The following EXT1 variants were observed in gnomAD, a reference collection of about 807,000 sequenced individuals.
EXT1 encodes the protein exostosin glycosyltransferase 1.
In EXT1, 20 loss-of-function variants were observed where a neutral mutation model predicts 82.5. The observed-to-expected ratio is 0.24, with a 90% CI of 0.17 to 0.35. EXT1 has a LOEUF of 0.35. Ranked by LOEUF, EXT1 falls within the 10% of genes least tolerant of loss-of-function variation. The pLI is 1.00. For missense variants in EXT1, 757 were observed against 936.5 expected (o/e 0.81, Z 2.50); for synonymous variants, 348 against 350.8 (o/e 0.99, Z 0.09).
At position 117,822,727 on chromosome 8, in the gene EXT1, C is replaced by A. The variant is rs111446928; in HGVS notation, c.1285-130G>T. ...CTCTACCCTCCCTCCCACTTTAATT[C>A]TCCGGATAAAAATGTCTGCAAGACA... On this transcript the variant is annotated intron_variant, in intron 4 of 10. Transcript: ENST00000378204. 319 of 958,404 alleles carry A rather than the reference C, an allele frequency of 3.3e-4. 1 individual carries two copies. Among genetic ancestry groups the A allele is most frequent in the South Asian group, 2.6e-3 (190 of 72,360 alleles). The allele number at this position is 958,404 out of a possible 1,614,324, so 59.4% of individuals were successfully genotyped here.
intron 1 of EXT1, among the ~76,000 whole-genome samples, chr8:118,036,803 G>A (rs1816426675): frequency 6.6e-6 from 1 of 152,028 alleles, no homozygotes; most frequent in Non-Finnish European, 1.5e-5. Flanking sequence ...ACCATCTACT[G>A]CCCTTTCTCC....
intron 1 of EXT1, among the ~76,000 whole-genome samples, chr8:117,964,546 CCAA>C (rs2129725101): frequency 6.6e-6 from 1 of 152,326 alleles, no homozygotes; most frequent in African/African-American, 2.4e-5. Flanking sequence ...TTAAAATTTT[CCAA>C]CAACCTCCAT....
chr8:118,042,241 C>T (rs1816545015), intron 1 of EXT1, among the ~76,000 whole-genome samples: 1 of 152,148 alleles, frequency 6.6e-6, no homozygotes, highest in Admixed American at 6.6e-5. Flanking sequence ...AACAAAGGAG[C>T]TCAATCAGAG....
chr8:117,920,330 C>T (rs1481690729), intron 1 of EXT1, among the ~76,000 whole-genome samples: 1 of 152,116 alleles, frequency 6.6e-6, no homozygotes, highest in Non-Finnish European at 1.5e-5. Flanking sequence ...TCTCGAACTC[C>T]TGAACTCAGG....
chr8:118,019,044 A>C (rs1196764880), intron 1 of EXT1, among the ~76,000 whole-genome samples: 1 of 152,136 alleles, frequency 6.6e-6, no homozygotes, highest in African/African-American at 2.4e-5. Flanking sequence ...GCAAAGCTGT[A>C]AAAACTGATC....
intron 4 of EXT1, 110 bp from the exon 5 acceptor site, chr8:117,822,707 C>T (rs1811945514): frequency 1.7e-6 from 2 of 1,160,038 alleles, no homozygotes; most frequent in South Asian, 2.5e-5. Flanking sequence ...AGTGACTCTA[C>T]CCTCCCTCCC....
At chr8:117,911,304 T>C (rs1181661448) in intron 1 of EXT1, among the ~76,000 whole-genome samples, 5 of 152,206 alleles carry the variant, frequency 3.3e-5, no homozygotes, top group Admixed American at 1.3e-4. Flanking sequence ...TCTCCTGGTA[T>C]GCTGTAGGGT....
chr8:118,024,800 AG>A (rs1222243503), intron 1 of EXT1, among the ~76,000 whole-genome samples: 9 of 152,194 alleles, frequency 5.9e-5, no homozygotes, highest in Admixed American at 5.9e-4. Context: ...GGAGAGTTGG[AG>A]GGAAATCAGA....
chr8:118,070,693 T>A (rs1283141292), intron 1 of EXT1, among the ~76,000 whole-genome samples: 2 of 152,198 alleles, frequency 1.3e-5, no homozygotes, highest in African/African-American at 4.8e-5. Context: ...TATTTTATCA[T>A]GTACAAATAA....
chr8:118,111,204 G>A lies in EXT1; in HGVS notation c.-158C>T. ...GATGCCTTTCCCCAAGCCGTGGACT[G>A]ATCCAGCGCATGTGGGCGATTTCTT... On this transcript the variant is annotated 5_prime_UTR_variant, in exon 1 of 11. Coordinates refer to ENST00000378204, the MANE Select transcript of EXT1 (RefSeq NM_000127.3). 1 of 1,052,112 alleles carries A rather than the reference G, an allele frequency of 9.5e-7. No homozygotes were observed. Among genetic ancestry groups the A allele is most frequent in the Non-Finnish European group, 1.4e-6 (1 of 712,660 alleles). The allele number at this position is 1,052,112 out of a possible 1,614,324, so 65.2% of individuals were successfully genotyped here. A position where few individuals can be genotyped will look rare whatever the true frequency, so the allele number is the denominator to read the frequency against.
At chr8:118,079,425 G>C (rs1315674336) in intron 1 of EXT1, among the ~76,000 whole-genome samples, 1 of 152,134 alleles carries the variant, frequency 6.6e-6, no homozygotes, top group Non-Finnish European at 1.5e-5. Context: ...TCAAAGGTTA[G>C]ACAGCCACTC....
intron 1 of EXT1, among the ~76,000 whole-genome samples, chr8:117,867,260 G>GGAAAAA (rs774425294): frequency 6.1e-5 from 6 of 98,906 alleles, no homozygotes; most frequent in South Asian, 3.9e-4. Context: ...CTCCACCTCA[G>GGAAAAA]AAAAAAAAAA....
intron 1 of EXT1, among the ~76,000 whole-genome samples, chr8:117,915,204 G>GGA (rs1813724342): frequency 6.6e-6 from 1 of 152,076 alleles, no homozygotes; most frequent in African/African-American, 2.4e-5. Flanking sequence ...GGGTTCCCCT[G>GGA]ATATTCCACT....
intron 1 of EXT1, among the ~76,000 whole-genome samples, chr8:118,070,226 C>CTGTGTGTGTGTGTGTG (rs36229782): frequency 1.0e-4 from 14 of 133,440 alleles, no homozygotes; most frequent in East Asian, 9.0e-4. Context: ...TCATAAATTT[C>CTGTGTGTGTGTGTGTG]TGTGTGTGTG....
chr8:117,809,634 CAAAA>C (rs35543306), intron 8 of EXT1, among the ~76,000 whole-genome samples: 6 of 133,738 alleles, frequency 4.5e-5, no homozygotes, highest in Non-Finnish European at 8.0e-5. Flanking sequence ...GAGACTCCGT[CAAAA>C]AAAAAAAAAA....
chr8:117,911,087 G>C (rs1813638377), intron 1 of EXT1, among the ~76,000 whole-genome samples: 1 of 152,216 alleles, frequency 6.6e-6, no homozygotes, highest in South Asian at 2.1e-4. Flanking sequence ...CCAACCTTCA[G>C]CATCCTCAGC....
At chr8:118,077,648 T>A (rs1386836743) in intron 1 of EXT1, among the ~76,000 whole-genome samples, 1 of 152,184 alleles carries the variant, frequency 6.6e-6, no homozygotes, top group Non-Finnish European at 1.5e-5. Flanking sequence ...TTAATTATTC[T>A]GAAAAGCAAT....
intron 9 of EXT1, among the ~76,000 whole-genome samples, chr8:117,805,476 A>G (rs1434762832): frequency 2.6e-5 from 4 of 152,332 alleles, no homozygotes; most frequent in South Asian, 2.1e-4. Context: ...CAGAAAACCC[A>G]TAATTAATTT....
chr8:117,813,737 G>A (rs1424342277), intron 7 of EXT1, among the ~76,000 whole-genome samples: 1 of 152,192 alleles, frequency 6.6e-6, no homozygotes, highest in African/African-American at 2.4e-5. Context: ...CAGGCGTGGT[G>A]GCTCATGACT....
Sources: gnomAD v4.1 joint callset for allele counts (sites outside exome capture counted in the v4.1 genomes callset) on GRCh38, gnomAD v4.1.1 for gene constraint, MANE v1.5 for transcripts, NCBI Gene and HGNC (gene_info 2026-07-23, HGNC 2026-07-21) for gene names.